Variants in KDM8 observed in about 807,000 individuals in gnomAD.
KDM8 encodes the protein bifunctional peptidase and arginyl-hydroxylase JMJD5.
Under a neutral mutation model 46.9 loss-of-function variants are expected in KDM8, and 35 were observed. That is an observed-to-expected ratio of 0.75 (90% confidence interval 0.57 to 0.99). The LOEUF is 0.99. KDM8 is among the 50% of genes least tolerant of loss of function. The pLI is 0.00. For missense variants in KDM8, 475 were observed against 537.0 expected (o/e 0.88, Z 1.14); for synonymous variants, 232 against 227.7 (o/e 1.02, Z -0.17).
chr16:27,203,877 C>T (rs887587147), intron 1 of KDM8: 8 of 450,832 alleles, frequency 1.8e-5, no homozygotes, highest in Non-Finnish European at 3.2e-5. Context: ...TGCGTATGCT[C>T]GTCTCTTGGC....
rs758494542 is a variant in KDM8, at chr16:27,214,853, GCCAATGTGTGTCTTTCTGCTAGTTT to G, written c.666-22_668del. 6.2e-7 allele frequency: 1 copy of G among 1,613,700 alleles called. No individual in the cohort carries two copies. The highest frequency in any genetic ancestry group is 1.1e-5 in the South Asian group (1 of 91,080). On this transcript the variant is annotated splice_acceptor_variant and splice_polypyrimidine_tract_variant and coding_sequence_variant and intron_variant, in exon 4 of 8. Coordinates refer to ENST00000286096, the MANE Select transcript of KDM8 (RefSeq NM_024773.3). LOFTEE classifies it high-confidence loss of function. ...CCCAACAGATATTAGCAGTGACGAT[GCCAATGTGTGTCTTTCTGCTAGTTT>G]GGAGTATATCCAGGAGATCGCTGGC...
chr16:27,207,748 C>T (rs2140962498), intron 1 of KDM8, among the ~76,000 whole-genome samples: 1 of 152,286 alleles, frequency 6.6e-6, no homozygotes, highest in South Asian at 2.1e-4. Context: ...GACCAGCTAA[C>T]TAATTTTTTA....
At chr16:27,212,202 G>A (rs751216157) in intron 2 of KDM8, among the ~76,000 whole-genome samples, 42 of 152,310 alleles carry the variant, frequency 2.8e-4, no homozygotes, top group South Asian at 6.2e-4. Context: ...TTAAACAAAT[G>A]TGCAGGAGAA....
At chr16:27,212,403 G>C (rs936733574) in intron 2 of KDM8, among the ~76,000 whole-genome samples, 1 of 152,062 alleles carries the variant, frequency 6.6e-6, no homozygotes, top group Non-Finnish European at 1.5e-5. Flanking sequence ...ACAGGGTCTT[G>C]CCCAGTCACC....
intron 5 of KDM8, 193 bp downstream of exon 5, chr16:27,216,182 G>T (rs1273730795): frequency 1.6e-6 from 1 of 621,274 alleles, no homozygotes; most frequent in African/African-American, 1.8e-5. Context: ...GGTCGCCAGT[G>T]CCCCGAGGAT....
At chr16:27,204,312 C>T (rs1259677097) in intron 1 of KDM8, 1 of 1,378,616 alleles carries the variant, frequency 7.3e-7, no homozygotes, top group Non-Finnish European at 9.4e-7. Flanking sequence ...GACTCGGGAG[C>T]AAGCCCGGGG....
Position 27,210,211 on chromosome 16 carries a change from AAAG to A in KDM8, c.93_95del (p.Glu31del), listed in dbSNP as rs1377763342. On this transcript the variant is annotated inframe_deletion, in exon 2 of 8. Transcript: ENST00000286096. ...CCTCAGGGCGCTCCTGCCGCACAGT[AAAG>A]AAGACCTGAAGTTGGACCTCGGGGA... The A allele has an allele frequency of 6.2e-7, 1 of 1,613,398 alleles. No individual in the cohort carries two copies. The highest frequency in any genetic ancestry group is 8.5e-7 in the Non-Finnish European group (1 of 1,180,028).
chr16:27,218,037 T>C (rs1391682085), intron 5 of KDM8, among the ~76,000 whole-genome samples: 1 of 152,034 alleles, frequency 6.6e-6, no homozygotes, highest in East Asian at 1.9e-4. Context: ...GCCAGGGCCA[T>C]GTGCAGTGGC....
chr16:27,210,645 A>G, intron 2 of KDM8, 24 bp downstream of exon 2: 3 of 1,495,324 alleles, frequency 2.0e-6, no homozygotes, highest in Non-Finnish European at 2.7e-6. Flanking sequence ...ATTCTCCCCA[A>G]GCACACTAGC....
At position 27,215,021 on chromosome 16, in the gene KDM8, G is replaced by A; in HGVS notation, c.798+13G>A. 1.9e-6 allele frequency: 3 copies of A among 1,613,918 alleles called. No individual in the cohort carries two copies. Among genetic ancestry groups the A allele is most frequent in the Non-Finnish European group, 2.5e-6 (3 of 1,179,844 alleles). On this transcript the variant is annotated intron_variant, in intron 4 of 7. Coordinates refer to ENST00000286096, the MANE Select transcript of KDM8 (RefSeq NM_024773.3). Reference sequence around the variant, plus strand: ...CATCGTGAATGAGGTACATCATGGGGACTGCTTTCCCCTAGTACTTGCAAG... The same window carrying A: ...CATCGTGAATGAGGTACATCATGGGAACTGCTTTCCCCTAGTACTTGCAAG...
At chr16:27,217,055 G>C (rs2083563447) in intron 5 of KDM8, among the ~76,000 whole-genome samples, 1 of 152,216 alleles carries the variant, frequency 6.6e-6, no homozygotes, top group Admixed American at 6.5e-5. Flanking sequence ...GTAATGGAGG[G>C]CCGCCTGGGT....
At position 27,204,519 on chromosome 16, in the gene KDM8, T is replaced by G. The variant is rs1016782782; in HGVS notation, c.-32+883T>G. ...ACTGCCATAATAACATTGAGGAGAT[T>G]AGAGAACTGGACCGCCTGTTCCCAG... On this transcript the variant is annotated intron_variant, in intron 1 of 7. Coordinates refer to ENST00000286096, the MANE Select transcript of KDM8 (RefSeq NM_024773.3). 5 of 277,772 alleles carry G rather than the reference T, an allele frequency of 1.8e-5. No homozygotes were observed. In the South Asian group the frequency reaches 4.3e-4, roughly 24 times the overall value. The allele number at this position is 277,772 out of a possible 1,614,324, so 17.2% of individuals were successfully genotyped here. A position where few individuals can be genotyped will look rare whatever the true frequency, so the allele number is the denominator to read the frequency against.
intron 1 of KDM8, chr16:27,204,319 G>A (rs1196054000): frequency 1.5e-6 from 2 of 1,369,582 alleles, no homozygotes; most frequent in Non-Finnish European, 9.4e-7. Context: ...GAGCAAGCCC[G>A]GGGACAGGAG....
intron 2 of KDM8, chr16:27,211,226 G>C (rs1346577020): frequency 6.5e-5 from 29 of 447,712 alleles, no homozygotes; most frequent in Non-Finnish European, 6.7e-5. Context: ...GTGTGGGTGA[G>C]AGCTGCAGCC....
At chr16:27,219,204 A>G in intron 6 of KDM8, 94 bp downstream of exon 6, 1 of 1,329,994 alleles carries the variant, frequency 7.5e-7, no homozygotes, top group Non-Finnish European at 1.0e-6. Context: ...CGGGCTCTTA[A>G]AAAGAAACAA....
rs769097985 is a variant in KDM8 at position 27,219,101 on chromosome 16, C to G, written c.984C>G (p.Phe328Leu). Residue 328 changes from phenylalanine to leucine, a missense_variant, in exon 6 of 8, where the codon TTC becomes TTG. Coordinates refer to ENST00000286096, the MANE Select transcript of KDM8 (RefSeq NM_024773.3). ...TACATCAGGATCCCCAGCAAAACTT[C>G]CTAGTGCAGGTTGGAGCTGCAGCTG... ...SPLHQDPQQN[F>L]LVQVMGRKYI... The G allele has an allele frequency of 1.2e-5, 20 of 1,609,936 alleles. 1 individual carries two copies. In the South Asian group the frequency reaches 2.2e-4, roughly 18 times the overall value.
chr16:27,218,340 C>T (rs540476053), intron 5 of KDM8, among the ~76,000 whole-genome samples: 2 of 152,294 alleles, frequency 1.3e-5, no homozygotes, highest in African/African-American at 2.4e-5. Flanking sequence ...CCTGCCCCAC[C>T]GTGAACATCC....
chr16:27,220,509 A>C, intron 7 of KDM8, 24 bp downstream of exon 7: 1 of 1,614,036 alleles, frequency 6.2e-7, no homozygotes, highest in Non-Finnish European at 8.5e-7. Context: ...GTCTGGGGTG[A>C]CGTTGCAGGT....
Position 27,210,567 on chromosome 16 carries a change from C to G in KDM8, c.444C>G (p.His148Gln). 1 of 1,523,212 alleles carries G rather than the reference C, an allele frequency of 6.6e-7. No individual in the cohort carries two copies. The highest frequency in any genetic ancestry group is 8.8e-7 in the Non-Finnish European group (1 of 1,135,272). The allele number at this position is 1,523,212 out of a possible 1,614,324, so 94.4% of individuals were successfully genotyped here. ...LLKVAAILQT[H>Q]LPGKRPARGS... ...AAGTCGCTGCCATCCTCCAGACACA[C>G]CTCCCTGGAAAGAGGCCTGCCCGTG... Residue 148 changes from histidine to glutamine, a missense_variant, in exon 2 of 8, where the codon CAC becomes CAG. His to Gln is a conservative substitution (Grantham distance 24, BLOSUM62 0). Transcript: ENST00000286096.
Sources: allele counts gnomAD v4.1 joint callset (sites outside exome capture counted in the v4.1 genomes callset), GRCh38; gene constraint gnomAD v4.1.1; transcripts MANE v1.5; gene names NCBI Gene and HGNC (gene_info 2026-07-23, HGNC 2026-07-21).